The following TENM2 variants were observed in gnomAD, a reference collection of about 807,000 sequenced individuals.
TENM2 encodes the protein teneurin-2.
Under a neutral mutation model 245.2 loss-of-function variants are expected in TENM2, and 52 were observed. That is an observed-to-expected ratio of 0.21 (90% CI 0.17 to 0.27). The LOEUF is 0.27. TENM2 is among the 10% of genes least tolerant of loss of function. The pLI, the probability that TENM2 is intolerant of heterozygous loss-of-function variation, is 1.00. For synonymous variants in TENM2, 1,363 were observed against 1,438.9 expected, an observed-to-expected ratio of 0.95 and a Z score of 1.19; for missense variants, 3,046 against 3,666.8, an observed-to-expected ratio of 0.83 and a Z score of 4.37.
chr5:167,731,258 G>A (rs1331974076), intron 2 of TENM2, among the ~76,000 whole-genome samples: 5 of 148,284 alleles, frequency 3.4e-5, no homozygotes, highest in Admixed American at 6.7e-5. Context: ...TATCAATAGC[G>A]TTTTGAGCGA....
At position 167,778,232 on chromosome 5, in the gene TENM2, A is replaced by T. The variant is rs143199314; in HGVS notation, c.503-97754A>T. 3.8e-3 allele frequency among the ~76,000 whole-genome samples: 574 copies of T among 152,332 alleles called. 1 individual carries two copies. The highest frequency in any genetic ancestry group is 5.0e-3 in the Non-Finnish European group (339 of 68,030). On this transcript the variant is annotated intron_variant, in intron 2 of 28. Transcript: ENST00000518659. ...AGAAAACCCTGAGATATGAATCCAC[A>T]TCATGGATGCATGGATTCTGCTGAA...
At chr5:167,366,752 G>A (rs1419471992) in intron 1 of TENM2, among the ~76,000 whole-genome samples, 2 of 152,068 alleles carry the variant, frequency 1.3e-5, no homozygotes, top group Non-Finnish European at 2.9e-5. Flanking sequence ...TAACCTAGTA[G>A]CCTTGCAGCT....
intron 5 of TENM2, among the ~76,000 whole-genome samples, chr5:168,038,121 C>A (rs247991): frequency 2.5e-3 from 375 of 152,292 alleles, no homozygotes; most frequent in African/African-American, 8.5e-3. Flanking sequence ...CTAACACTTA[C>A]CAGCTGCGTG....
chr5:167,533,690 G>A (rs1192929128), intron 2 of TENM2, among the ~76,000 whole-genome samples: 4 of 152,038 alleles, frequency 2.6e-5, no homozygotes, highest in African/African-American at 7.2e-5. Flanking sequence ...AAATTCCTGA[G>A]CTGAAGAAAT....
intron 5 of TENM2, among the ~76,000 whole-genome samples, chr5:168,005,132 G>A (rs976559014): frequency 9.9e-5 from 15 of 152,084 alleles, no homozygotes; most frequent in Non-Finnish European, 1.9e-4. Flanking sequence ...TAAGCCTTTC[G>A]GAAAGGTCAG....
chr5:168,089,747 G>A (rs1448781773), intron 7 of TENM2, among the ~76,000 whole-genome samples: 1 of 152,142 alleles, frequency 6.6e-6, no homozygotes, highest in East Asian at 1.9e-4. Context: ...AAATATGAAT[G>A]TAAATAACAC....
chr5:168,000,404 T>C (rs887236895), intron 5 of TENM2, among the ~76,000 whole-genome samples: 1 of 152,242 alleles, frequency 6.6e-6, no homozygotes, highest in African/African-American at 2.4e-5. Flanking sequence ...ATACATGGAC[T>C]TTGGTGTCAG....
chr5:167,189,599 C>T, the TENM2 span, among the ~76,000 whole-genome samples: 5 of 151,300 alleles, frequency 3.3e-5, no homozygotes, highest in African/African-American at 9.7e-5. Context: ...GAGACAGTCT[C>T]GCCCTGTCAC....
At chr5:167,839,656 C>A (rs1342078497) in intron 2 of TENM2, among the ~76,000 whole-genome samples, 1 of 152,028 alleles carries the variant, frequency 6.6e-6, no homozygotes, top group Non-Finnish European at 1.5e-5. Flanking sequence ...GACCTAATTT[C>A]TATTGATATT....
At chr5:168,197,660 A>T (rs1055960555) in intron 15 of TENM2, among the ~76,000 whole-genome samples, 6 of 148,864 alleles carry the variant, frequency 4.0e-5, no homozygotes, top group African/African-American at 1.5e-4. Flanking sequence ...AAATCATGCC[A>T]CTGCGCTCCA....
At chr5:167,677,422 A>G (rs1371084774) in intron 2 of TENM2, among the ~76,000 whole-genome samples, 2 of 151,664 alleles carry the variant, frequency 1.3e-5, no homozygotes, top group African/African-American at 4.8e-5. Context: ...TCTTTTTAAG[A>G]CATTATAATT....
intron 2 of TENM2, among the ~76,000 whole-genome samples, chr5:167,589,945 G>A (rs555908474): frequency 6.6e-5 from 10 of 151,762 alleles, no homozygotes; most frequent in South Asian, 4.2e-4. Context: ...AAATGCTACC[G>A]TGAAAAGGTA....
the TENM2 span, among the ~76,000 whole-genome samples, chr5:167,099,690 C>G: frequency 6.6e-6 from 1 of 152,016 alleles, no homozygotes; most frequent in African/African-American, 2.4e-5. Context: ...AGCGAAACAC[C>G]GTCTCAAAAC....
intron 7 of TENM2, chr5:168,087,225 T>C (rs1581258771): frequency 6.6e-6 from 1 of 152,186 alleles, no homozygotes; most frequent in South Asian, 2.1e-4. Context: ...GTAATTGTGA[T>C]AAACAAACAC....
Position 167,445,332 on chromosome 5 carries a change from T to TAGAGAGAGAG in TENM2, c.502+69860_502+69861insGAGAGAGAGA, listed in dbSNP as rs71591182. On this transcript the variant is annotated intron_variant, in intron 2 of 28. Coordinates refer to ENST00000518659, the Ensembl canonical transcript of TENM2. ...ATGATTATATATATATATATATATATATATAGAGAGAGAGAGAGAGAGAGA... is the reference window on the plus strand; with the variant it reads ...ATGATTATATATATATATATATATATAGAGAGAGAGATATAGAGAGAGAGAGAGAGAGAGA... Among the ~76,000 whole-genome samples the TAGAGAGAGAG allele has an allele frequency of 2.8e-3, 214 of 76,914 alleles. 1 individual carries two copies. Among genetic ancestry groups the TAGAGAGAGAG allele is most frequent in the Non-Finnish European group, 4.0e-3 (164 of 40,502 alleles). 50.5% of individuals were successfully genotyped at this position (76,914 alleles called of 152,430 possible). A position where few individuals can be genotyped will look rare whatever the true frequency, so the allele number is the denominator to read the frequency against.
At chr5:167,299,534 A>C (rs2127733466) in intron 1 of TENM2, among the ~76,000 whole-genome samples, 1 of 152,314 alleles carries the variant, frequency 6.6e-6, no homozygotes, top group Admixed American at 6.5e-5. Context: ...AGCAGATGGA[A>C]CACTGAGAAG....
At chr5:167,032,737 A>G in the TENM2 span, among the ~76,000 whole-genome samples, 3 of 152,150 alleles carry the variant, frequency 2.0e-5, no homozygotes, top group Non-Finnish European at 4.4e-5. Flanking sequence ...TTCCAACTAC[A>G]TTGAAAATGT....
chr5:167,693,385 A>G (rs747147298), intron 2 of TENM2, among the ~76,000 whole-genome samples: 6 of 152,200 alleles, frequency 3.9e-5, no homozygotes, highest in Non-Finnish European at 7.3e-5. Flanking sequence ...CTATATGAAT[A>G]GTTAGGATTT....
chr5:167,151,672 C>G, the TENM2 span, among the ~76,000 whole-genome samples: 1 of 152,098 alleles, frequency 6.6e-6, no homozygotes, highest in Admixed American at 6.5e-5. Context: ...GCACCCGCCA[C>G]CCTGCCTGGC....
Sources: gnomAD v4.1 joint callset for allele counts (sites outside exome capture counted in the v4.1 genomes callset) on GRCh38, gnomAD v4.1.1 for gene constraint, MANE v1.5 for transcripts, NCBI Gene and HGNC (gene_info 2026-07-23, HGNC 2026-07-21) for gene names.